The following GGT7 variants were observed in gnomAD, a reference collection of about 807,000 sequenced individuals.
The protein encoded by GGT7 is gamma-glutamyltransferase 7, also known as glutathione hydrolase 7.
A neutral mutation model predicts 69.2 loss-of-function variants in GGT7; 30 were observed. The ratio of observed to expected loss-of-function variants is 0.43; its 90% CI spans 0.32 to 0.59. GGT7 has a LOEUF of 0.59. GGT7 is among the 20% of genes least tolerant of loss of function. The pLI is 0.05. For missense variants in GGT7, 733 were observed against 901.1 expected, an observed-to-expected ratio of 0.81 and a Z score of 2.39; for synonymous variants, 388 against 391.8, an observed-to-expected ratio of 0.99 and a Z score of 0.12.
intron 12 of GGT7, 60 bp from the exon 13 acceptor site, chr20:34,851,428 G>A: frequency 6.5e-7 from 1 of 1,527,154 alleles, no homozygotes; most frequent in Non-Finnish European, 8.9e-7. Flanking sequence ...CCGGGAAAGG[G>A]CCCCTCCACA....
At chr20:34,868,694 C>T (rs548741943) in intron 1 of GGT7, among the ~76,000 whole-genome samples, 1 of 152,272 alleles carries the variant, frequency 6.6e-6, no homozygotes, top group South Asian at 2.1e-4. Flanking sequence ...CAGTAACAGG[C>T]AATGTGAACA....
At position 34,852,377 on chromosome 20, in the gene GGT7, G is replaced by A; in HGVS notation, c.1469+12C>T. 1 of 1,613,736 alleles carries A rather than the reference G, an allele frequency of 6.2e-7. No individual in the cohort carries two copies. Among genetic ancestry groups the A allele is most frequent in the Non-Finnish European group, 8.5e-7 (1 of 1,179,702 alleles). Reference sequence around the variant, plus strand: ...ATCCCTTGTTCCAGGTTCTGAGTCTGAGCTGGCATACCTAACCATGGCCAC... The same window carrying A: ...ATCCCTTGTTCCAGGTTCTGAGTCTAAGCTGGCATACCTAACCATGGCCAC... On this transcript the variant is annotated intron_variant, in intron 11 of 14. Transcript: ENST00000336431.
At chr20:34,868,550 T>C (rs1378556343) in intron 1 of GGT7, among the ~76,000 whole-genome samples, 1 of 152,204 alleles carries the variant, frequency 6.6e-6, no homozygotes. Flanking sequence ...GGCTCATCCC[T>C]GGTATCTGCT....
At chr20:34,851,412 A>T in intron 12 of GGT7, 44 bp from the exon 13 acceptor site, 1 of 1,569,906 alleles carries the variant, frequency 6.4e-7, no homozygotes. Context: ...GTGGGGTGGG[A>T]CAAGACCGGG....
chr20:34,861,606 C>T (rs2079597907), intron 3 of GGT7, 44 bp from the exon 4 acceptor site: 2 of 1,162,796 alleles, frequency 1.7e-6, no homozygotes, highest in East Asian at 2.8e-5. Context: ...AACATGCTAC[C>T]CCTCTGTACA....
At chr20:34,869,165 T>TAA (rs1222615333) in intron 1 of GGT7, among the ~76,000 whole-genome samples, 7 of 150,600 alleles carry the variant, frequency 4.6e-5, no homozygotes, top group African/African-American at 1.5e-4. Flanking sequence ...AATAAATAAA[T>TAA]ATATATATAT....
chr20:34,863,179 G>T lies in GGT7; in HGVS notation c.405+134C>A. The stretch of plus-strand genomic sequence containing the variant: ...TCATGCCCTGGAGCTCCTCTCTTTG[G>T]GACCTTCCTCTCCCAAGTCACCACC... On this transcript the variant is annotated intron_variant, in intron 2 of 14. Coordinates refer to ENST00000336431, the MANE Select transcript of GGT7 (RefSeq NM_178026.3). The surrounding 1 kb of genome is among the most constrained non-coding windows in gnomAD (Gnocchi z 4.4). 1.2e-6 allele frequency: 1 copy of T among 806,792 alleles called. No homozygotes were observed. The highest frequency in any genetic ancestry group is 2.0e-6 in the Non-Finnish European group (1 of 498,708). The allele number at this position is 806,792 out of a possible 1,614,324, so 50.0% of individuals were successfully genotyped here. A position where few individuals can be genotyped will look rare whatever the true frequency, so the allele number is the denominator to read the frequency against.
chr20:34,859,686 G>C (rs552025862), intron 6 of GGT7, 47 bp from the exon 7 acceptor site: 2 of 1,437,416 alleles, frequency 1.4e-6, no homozygotes, highest in African/African-American at 1.4e-5. Context: ...GCCAGGACTG[G>C]ACCGGATGAG....
chr20:34,845,125 CA>C lies in GGT7; in HGVS notation c.*202del. On this transcript the variant is annotated 3_prime_UTR_variant, in exon 15 of 15. Coordinates refer to ENST00000336431, the MANE Select transcript of GGT7 (RefSeq NM_178026.3). ...AGATGCTGACACTCACCACCACCAC[CA>C]CCACCACCACCACCACCACCACCAC... is the stretch of plus-strand genomic sequence containing the variant. The C allele has an allele frequency of 9.0e-6, 4 of 443,430 alleles. No individual in the cohort carries two copies. Among genetic ancestry groups the C allele is most frequent in the South Asian group, 2.3e-5 (1 of 44,002 alleles). The allele number at this position is 443,430 out of a possible 1,614,324, so 27.5% of individuals were successfully genotyped here. A position where few individuals can be genotyped will look rare whatever the true frequency, so the allele number is the denominator to read the frequency against.
chr20:34,855,789 C>CTGTGTG (rs3138662), intron 8 of GGT7, among the ~76,000 whole-genome samples: 72 of 144,162 alleles, frequency 5.0e-4, no homozygotes, highest in Non-Finnish European at 7.6e-4. Context: ...TTTTTCTTTT[C>CTGTGTG]TGTGTGTGTG....
rs1269099667 is a variant in GGT7, at chr20:34,845,522, A to G, written c.1826-31T>C. 1.9e-6 allele frequency: 3 copies of G among 1,593,054 alleles called. No individual in the cohort carries two copies. The South Asian group carries it at 3.4e-5, about 18-fold the overall frequency. On this transcript the variant is annotated intron_variant, in intron 14 of 14. Coordinates refer to ENST00000336431, the MANE Select transcript of GGT7 (RefSeq NM_178026.3). ...AACCATCCCCGACATATACACATTC[A>G]GAATGTACAGAGCACTAGTTCAAGA...
Position 34,860,010 on chromosome 20 carries a change from G to C in GGT7, c.776C>G (p.Ala259Gly), listed in dbSNP as rs1005105513. 5 of 1,569,268 alleles carry C rather than the reference G, an allele frequency of 3.2e-6. No individual in the cohort carries two copies. The highest frequency in any genetic ancestry group is 3.5e-6 in the Non-Finnish European group (4 of 1,156,504). ...LPWSQVLAFA[A>G]AVAQDGFNVT... ...GTTGAAGCCATCTTGGGCCACAGCT[G>C]CTGCAAAGGCCAGGACTTGGGACCA... is the stretch of plus-strand genomic sequence containing the variant. The change falls in exon 6 of 15, where the codon GCA becomes GGA. Residue 259 changes from alanine (A) to glycine (G), a missense_variant. Transcript: ENST00000336431.
intron 12 of GGT7, among the ~76,000 whole-genome samples, chr20:34,851,612 C>G (rs1436379146): frequency 6.6e-6 from 1 of 152,114 alleles, no homozygotes; most frequent in East Asian, 1.9e-4. Context: ...TGCTACGGGT[C>G]ACAGGAGAAA....
At chr20:34,866,736 C>A (rs536045614) in intron 1 of GGT7, among the ~76,000 whole-genome samples, 5 of 152,036 alleles carry the variant, frequency 3.3e-5, no homozygotes, top group African/African-American at 1.2e-4. Flanking sequence ...CATGCCACCA[C>A]GCCTAGCTAA....
At chr20:34,866,080 G>T (rs537049725) in intron 1 of GGT7, among the ~76,000 whole-genome samples, 30 of 152,114 alleles carry the variant, frequency 2.0e-4, no homozygotes, top group African/African-American at 6.7e-4. Flanking sequence ...AGCTCCTTGT[G>T]GTGTTTAAAG....
intron 14 of GGT7, among the ~76,000 whole-genome samples, chr20:34,846,916 G>A (rs2079313734): frequency 6.6e-6 from 1 of 152,024 alleles, no homozygotes; most frequent in Admixed American, 6.6e-5. Context: ...TGCACTTACT[G>A]TTCTTTCTGC....
In GGT7 at chr20:34,860,285, C is replaced by A; in HGVS notation, c.712G>T (p.Gly238Trp). 1 of 1,613,862 alleles carries A rather than the reference C, an allele frequency of 6.2e-7. No individual in the cohort carries two copies. Among genetic ancestry groups the A allele is most frequent in the Non-Finnish European group, 8.5e-7 (1 of 1,179,894 alleles). Residue 238 changes from glycine to tryptophan, a missense_variant, in exon 5 of 15, where the codon GGG becomes TGG. Gly to Trp is a radical substitution (Grantham distance 184, BLOSUM62 -2). Coordinates refer to ENST00000336431, the MANE Select transcript of GGT7 (RefSeq NM_178026.3). ...TAGAGCTGGTGAGCTTCATGTAGCC[C>A]CTTCACCATTCCGGGAACCCCCACC... is the stretch of plus-strand genomic sequence containing the variant. ...LLVGVPGMVK[G>W]LHEAHQLYGR... is the part of the protein sequence containing the mutation.
At position 34,845,135 on chromosome 20, in the gene GGT7, ACC is replaced by A; in HGVS notation, c.*191_*192del. 3.1e-6 allele frequency: 1 copy of A among 319,562 alleles called. No individual in the cohort carries two copies. The highest frequency in any genetic ancestry group is 6.0e-6 in the Non-Finnish European group (1 of 167,820). 19.8% of individuals were successfully genotyped at this position (319,562 alleles called of 1,614,324 possible). A position where few individuals can be genotyped will look rare whatever the true frequency, so the allele number is the denominator to read the frequency against. The stretch of plus-strand genomic sequence containing the variant: ...ACTCACCACCACCACCACCACCACC[ACC>A]ACCACCACCACCACCACAGGCCTCC... On this transcript the variant is annotated 3_prime_UTR_variant, in exon 15 of 15. Coordinates refer to ENST00000336431, the MANE Select transcript of GGT7 (RefSeq NM_178026.3).
intron 1 of GGT7, among the ~76,000 whole-genome samples, chr20:34,866,442 C>A (rs1601245681): frequency 6.6e-6 from 1 of 151,556 alleles, no homozygotes; most frequent in South Asian, 2.1e-4. Flanking sequence ...CATAGATAGA[C>A]CCTGTCTCTA....
Sources: gnomAD v4.1 joint callset for allele counts (sites outside exome capture counted in the v4.1 genomes callset) on GRCh38, gnomAD v4.1.1 for gene constraint, Gnocchi (gnomAD v3.1) non-coding constraint, MANE v1.5 for transcripts, NCBI Gene and HGNC (gene_info 2026-07-23, HGNC 2026-07-21) for gene names.